The following SEPTIN10 variants were observed in gnomAD, a reference collection of about 807,000 sequenced individuals.
SEPTIN10 encodes the protein septin-10.
SEPTIN10 carries 66 observed loss-of-function variants against 54.8 expected under a neutral mutation model. That is an observed-to-expected ratio of 1.21 (90% CI 0.99 to 1.48). SEPTIN10 has a LOEUF of 1.48. SEPTIN10 is among the 40% of genes most tolerant of loss of function. The pLI is 0.00. For synonymous variants in SEPTIN10, 161 were observed against 181.0 expected (o/e 0.89, Z 0.89); for missense variants, 620 against 545.6 (o/e 1.14, Z -1.36).
chr2:109,567,271 C>G (rs1687252980), intron 6 of SEPTIN10, among the ~76,000 whole-genome samples: 1 of 152,086 alleles, frequency 6.6e-6, no homozygotes, highest in African/African-American at 2.4e-5. Flanking sequence ...ATTTCAAAAC[C>G]CATGATCCTA....
At chr2:109,566,935 C>G (rs911841709) in intron 6 of SEPTIN10, among the ~76,000 whole-genome samples, 1 of 151,968 alleles carries the variant, frequency 6.6e-6, no homozygotes, top group Non-Finnish European at 1.5e-5. Context: ...TCTGAATATT[C>G]TAGTTGAGCA....
rs992524310 is a variant in SEPTIN10 at position 109,543,171 on chromosome 2, T to C, written c.*1138A>G. On this transcript the variant is annotated 3_prime_UTR_variant, in exon 11 of 11. Coordinates refer to ENST00000397712, the MANE Select transcript of SEPTIN10 (RefSeq NM_144710.5). ...GAAATATGAATTATGTGCATTTTTATATCTTTAATATTCAGATGTTCATAG... is the reference window on the plus strand; with the variant it reads ...GAAATATGAATTATGTGCATTTTTACATCTTTAATATTCAGATGTTCATAG... 6.6e-5 allele frequency: 10 copies of C among 152,670 alleles called. No homozygotes were observed. Among genetic ancestry groups the C allele is most frequent in the African/African-American group, 2.4e-4 (10 of 41,464 alleles). 9.5% of individuals were successfully genotyped at this position (152,670 alleles called of 1,614,324 possible). A position where few individuals can be genotyped will look rare whatever the true frequency, so the allele number is the denominator to read the frequency against.
rs1692404190 is a variant in SEPTIN10, at chr2:109,585,843, AG to A, written c.100-6del. On this transcript the variant is annotated splice_region_variant and splice_polypyrimidine_tract_variant and intron_variant, in intron 2 of 10. Transcript: ENST00000397712. ...CGAACGAATGTTTTCTCTTTTCTGA[AG>A]GAAAATAAAAACAAAAACAACAGCA... 2 of 1,610,680 alleles carry A rather than the reference AG, an allele frequency of 1.2e-6. No homozygotes were observed. The highest frequency in any genetic ancestry group is 1.7e-5 in the Admixed American group (1 of 59,642).
At chr2:109,574,442 CTAAAA>C in intron 5 of SEPTIN10, 134 bp downstream of exon 5, 1 of 269,202 alleles carries the variant, frequency 3.7e-6, no homozygotes, top group Non-Finnish European at 5.2e-6. Flanking sequence ...GACTTTATCT[CTAAAA>C]AAAAAAAAAA....
Position 109,543,917 on chromosome 2 carries a change from C to T in SEPTIN10, c.*392G>A. ...CTCTAATTACATAATTCATGTTTCA[C>T]ATCCACCTTATACATATAGCCTGAA... On this transcript the variant is annotated 3_prime_UTR_variant, in exon 11 of 11. Coordinates refer to ENST00000397712, the MANE Select transcript of SEPTIN10 (RefSeq NM_144710.5). 2.1e-6 allele frequency: 1 copy of T among 472,492 alleles called. No homozygotes were observed. Among genetic ancestry groups the T allele is most frequent in the Admixed American group, 3.9e-5 (1 of 25,504 alleles). 29.3% of individuals were successfully genotyped at this position (472,492 alleles called of 1,614,324 possible).
At chr2:109,585,558 A>G (rs940979493) in intron 3 of SEPTIN10, among the ~76,000 whole-genome samples, 163 bp downstream of exon 3, 2 of 152,236 alleles carry the variant, frequency 1.3e-5, no homozygotes, top group African/African-American at 4.8e-5. Context: ...CCAAAAGCTT[A>G]AAGCTAAGAA....
chr2:109,603,270 T>TGTC (rs1248075450), intron 1 of SEPTIN10, among the ~76,000 whole-genome samples: 6 of 151,980 alleles, frequency 3.9e-5, no homozygotes, highest in African/African-American at 1.2e-4. Context: ...AGTCTCACTG[T>TGTC]GTCACCCAGG....
At chr2:109,603,262 TCTCA>T (rs1473333259) in intron 1 of SEPTIN10, among the ~76,000 whole-genome samples, 6 of 151,842 alleles carry the variant, frequency 4.0e-5, no homozygotes, top group African/African-American at 1.2e-4. Flanking sequence ...TTTGAGACAG[TCTCA>T]CTGTGTCACC....
chr2:109,608,296 T>G (rs1354830925), intron 1 of SEPTIN10, among the ~76,000 whole-genome samples: 1 of 152,180 alleles, frequency 6.6e-6, no homozygotes, highest in Non-Finnish European at 1.5e-5. Flanking sequence ...CACAGAACAT[T>G]CAAGGTATCC....
At chr2:109,582,891 G>C (rs955306827) in intron 4 of SEPTIN10, among the ~76,000 whole-genome samples, 12 of 152,168 alleles carry the variant, frequency 7.9e-5, no homozygotes, top group African/African-American at 2.9e-4. Context: ...ACAGGCATCT[G>C]ATCTTCAACA....
At chr2:109,572,424 T>C in intron 5 of SEPTIN10, among the ~76,000 whole-genome samples, 1 of 152,060 alleles carries the variant, frequency 6.6e-6, no homozygotes, top group African/African-American at 2.4e-5. Context: ...CGAGCCACCG[T>C]ACCTGGCCTC....
chr2:109,585,762 C>A lies in SEPTIN10; in HGVS notation c.176G>T (p.Arg59Ile). Reference sequence around the variant, plus strand: ...AAAGCAGAAACCTTGCTGAATGGATCTGTTCACCAGCTGATCAGGCAAACT... The same window carrying A: ...AAAGCAGAAACCTTGCTGAATGGATATGTTCACCAGCTGATCAGGCAAACT... ...FESLPDQLVN[R>I]SIQQGFCFNI... Residue 59 changes from arginine (R) to isoleucine (I), a missense_variant, in exon 3 of 11, where the codon AGA becomes ATA. By Grantham distance (97) the Arg-to-Ile change is moderately conservative. Coordinates refer to ENST00000397712, the MANE Select transcript of SEPTIN10 (RefSeq NM_144710.5). The A allele has an allele frequency of 1.2e-6, 2 of 1,613,856 alleles. No individual in the cohort carries two copies. Among genetic ancestry groups the A allele is most frequent in the South Asian group, 1.1e-5 (1 of 91,054 alleles).
intron 8 of SEPTIN10, 80 bp from the exon 9 acceptor site, chr2:109,553,299 C>G: frequency 2.8e-6 from 4 of 1,453,380 alleles, no homozygotes; most frequent in Non-Finnish European, 3.8e-6. Flanking sequence ...AATCCCAACA[C>G]TTTGGGAGGC....
At chr2:109,550,610 G>A (rs542951877) in intron 9 of SEPTIN10, among the ~76,000 whole-genome samples, 69 of 152,144 alleles carry the variant, frequency 4.5e-4, no homozygotes, top group Non-Finnish European at 8.1e-4. Context: ...CACCACGCCC[G>A]GCCCCATTTT....
At chr2:109,611,624 G>C (rs995043822) in intron 1 of SEPTIN10, among the ~76,000 whole-genome samples, 4 of 151,574 alleles carry the variant, frequency 2.6e-5, no homozygotes, top group Non-Finnish European at 5.9e-5. Flanking sequence ...GCCGGCTGTG[G>C]TGGTGCACAC....
At chr2:109,603,537 C>T (rs917771562) in intron 1 of SEPTIN10, among the ~76,000 whole-genome samples, 5 of 150,070 alleles carry the variant, frequency 3.3e-5, no homozygotes, top group African/African-American at 1.2e-4. Flanking sequence ...CCGCGCCCGG[C>T]CTCATAATAT....
intron 2 of SEPTIN10, among the ~76,000 whole-genome samples, chr2:109,587,913 C>CA (rs59990177): frequency 0.064 from 8,609 of 134,588 alleles, 810 homozygotes; most frequent in African/African-American, 0.21. Flanking sequence ...ACTCCATCTC[C>CA]AAAAAAAAAA....
intron 8 of SEPTIN10, among the ~76,000 whole-genome samples, chr2:109,562,376 C>T (rs1419022744): frequency 6.6e-6 from 1 of 151,920 alleles, no homozygotes; most frequent in Non-Finnish European, 1.5e-5. Context: ...ACCTGCCCCC[C>T]TCCCCCAACT....
chr2:109,589,744 A>C (rs1008003431), intron 2 of SEPTIN10, among the ~76,000 whole-genome samples: 1 of 151,610 alleles, frequency 6.6e-6, no homozygotes, highest in African/African-American at 2.4e-5. Context: ...GCCAAAAAAA[A>C]CCCGCTTGGA....
Sources: gnomAD v4.1 joint callset for allele counts (sites outside exome capture counted in the v4.1 genomes callset) on GRCh38, gnomAD v4.1.1 for gene constraint, MANE v1.5 for transcripts, NCBI Gene and HGNC (gene_info 2026-07-23, HGNC 2026-07-21) for gene names.